Variants in XIRP2 observed in about 807,000 individuals in gnomAD.
XIRP2 encodes the protein xin actin binding repeat containing 2.
A neutral mutation model predicts 277.0 loss-of-function variants in XIRP2; 236 were observed. The ratio of observed to expected loss-of-function variants is 0.85; its 90% CI spans 0.77 to 0.95. XIRP2 has a LOEUF of 0.95. Ranked by LOEUF, XIRP2 falls within the 40% of genes least tolerant of loss-of-function variation. The pLI is 0.00. For synonymous variants in XIRP2, 1,490 were observed against 1,416.5 expected (o/e 1.05, Z -1.17); for missense variants, 4,640 against 4,157.5 (o/e 1.12, Z -3.19).
intron 2 of XIRP2, among the ~76,000 whole-genome samples, chr2:167,116,055 T>C (rs1690888374): frequency 6.6e-6 from 1 of 152,218 alleles, no homozygotes. Flanking sequence ...TGGCCTAGAA[T>C]ATGGTCTATC....
intron 2 of XIRP2, among the ~76,000 whole-genome samples, chr2:166,972,994 C>T (rs924574127): frequency 5.9e-5 from 9 of 152,116 alleles, no homozygotes; most frequent in Admixed American, 3.3e-4. Context: ...TTCATGCCTC[C>T]AAAATATTTT....
chr2:167,025,449 T>C (rs1213337917), intron 2 of XIRP2, among the ~76,000 whole-genome samples: 2 of 152,160 alleles, frequency 1.3e-5, no homozygotes, highest in Non-Finnish European at 2.9e-5. Flanking sequence ...TGTGTCTCCA[T>C]TTCCTTCAGT....
chr2:167,144,883 T>C (rs1222720395), intron 3 of XIRP2, among the ~76,000 whole-genome samples: 1 of 152,158 alleles, frequency 6.6e-6, no homozygotes, highest in East Asian at 1.9e-4. Context: ...GATTAAAAAC[T>C]TTGAGTGGAA....
intron 2 of XIRP2, among the ~76,000 whole-genome samples, chr2:166,963,104 T>C (rs1277965908): frequency 6.6e-6 from 1 of 151,732 alleles, no homozygotes; most frequent in Non-Finnish European, 1.5e-5. Context: ...ATTGAAATAT[T>C]GCAATGCATC....
chr2:167,170,610 C>G (rs539988765), intron 3 of XIRP2, among the ~76,000 whole-genome samples: 1 of 152,114 alleles, frequency 6.6e-6, no homozygotes, highest in East Asian at 1.9e-4. Context: ...TATCAATGCT[C>G]TCTTATTTTT....
chr2:166,976,231 T>A (rs1686715033), intron 2 of XIRP2, among the ~76,000 whole-genome samples: 1 of 152,128 alleles, frequency 6.6e-6, no homozygotes, highest in Non-Finnish European at 1.5e-5. Flanking sequence ...TGTTCATATC[T>A]CCTTGTTATC....
intron 2 of XIRP2, among the ~76,000 whole-genome samples, chr2:167,025,761 G>A (rs1216299727): frequency 1.1e-4 from 17 of 151,976 alleles, no homozygotes; most frequent in Non-Finnish European, 2.1e-4. Context: ...GTAGTTGAGC[G>A]GTTTTGAGTG....
At chr2:167,178,731 C>G (rs1275825701) in intron 3 of XIRP2, among the ~76,000 whole-genome samples, 2 of 152,028 alleles carry the variant, frequency 1.3e-5, no homozygotes, top group East Asian at 3.9e-4. Flanking sequence ...TTCTGGACCA[C>G]TCAAATTAAA....
chr2:166,933,598 A>G (rs1278936068), intron 2 of XIRP2, among the ~76,000 whole-genome samples: 3 of 152,204 alleles, frequency 2.0e-5, no homozygotes, highest in Admixed American at 6.5e-5. Context: ...AAATTGATAT[A>G]TAAGTTTAAT....
chr2:167,258,542 G>T lies in XIRP2; in HGVS notation c.*725G>T, dbSNP rs1166963035. 2.5e-6 allele frequency: 4 copies of T among 1,612,956 alleles called. No individual in the cohort carries two copies. In the East Asian group the frequency reaches 8.9e-5, roughly 36 times the overall value. On this transcript the variant is annotated 3_prime_UTR_variant, in exon 11 of 11. Coordinates refer to ENST00000409195, the MANE Select transcript of XIRP2 (RefSeq NM_152381.6). Reference sequence around the variant, plus strand: ...TCTTAATGACAACAATAATGTGATTGTGCAGAGTGCTGAAAAGGAGAAAAA... The same window carrying T: ...TCTTAATGACAACAATAATGTGATTTTGCAGAGTGCTGAAAAGGAGAAAAA...
chr2:167,019,729 A>G (rs1687930739), intron 2 of XIRP2, among the ~76,000 whole-genome samples: 1 of 152,104 alleles, frequency 6.6e-6, no homozygotes, highest in African/African-American at 2.4e-5. Context: ...ATATTTTCAT[A>G]ACCTTGCATT....
At chr2:167,166,775 A>G (rs1182462090) in intron 3 of XIRP2, among the ~76,000 whole-genome samples, 2 of 152,128 alleles carry the variant, frequency 1.3e-5, no homozygotes, top group Admixed American at 1.3e-4. Flanking sequence ...CCGATGATCC[A>G]AACACCTTCC....
intron 2 of XIRP2, among the ~76,000 whole-genome samples, chr2:166,975,721 C>A (rs1445098343): frequency 2.0e-5 from 3 of 151,754 alleles, no homozygotes; most frequent in African/African-American, 4.8e-5. Context: ...GTCAGGAGAT[C>A]GAGACCATCC....
At chr2:166,891,996 T>C (rs1684117672) in intron 1 of XIRP2, among the ~76,000 whole-genome samples, 1 of 152,192 alleles carries the variant, frequency 6.6e-6, no homozygotes, top group Non-Finnish European at 1.5e-5. Context: ...AGCTTGCCGA[T>C]GCTGATATGC....
chr2:167,043,066 C>A (rs533734433), intron 2 of XIRP2, among the ~76,000 whole-genome samples: 1 of 152,024 alleles, frequency 6.6e-6, no homozygotes, highest in South Asian at 2.1e-4. Flanking sequence ...AGTTAAACAA[C>A]CTGCTTCTGA....
intron 2 of XIRP2, among the ~76,000 whole-genome samples, chr2:166,932,271 C>G (rs1685363535): frequency 6.6e-6 from 1 of 151,298 alleles, no homozygotes; most frequent in Non-Finnish European, 1.5e-5. Context: ...AACTGGAGTG[C>G]AGTGACTCAA....
chr2:167,023,142 C>T (rs1688034312), intron 2 of XIRP2, among the ~76,000 whole-genome samples: 1 of 152,194 alleles, frequency 6.6e-6, no homozygotes, highest in Admixed American at 6.5e-5. Flanking sequence ...TTAATGATTG[C>T]CATTCTAACT....
intron 2 of XIRP2, among the ~76,000 whole-genome samples, chr2:167,059,535 AGC>A (rs1230583066): frequency 1.3e-5 from 2 of 151,308 alleles, no homozygotes; most frequent in Non-Finnish European, 2.9e-5. Flanking sequence ...TCTGCAAAAG[AGC>A]AATCATTCCA....
chr2:167,241,631 C>T (rs756361578), intron 7 of XIRP2, 146 bp from the exon 8 acceptor site: 20 of 834,132 alleles, frequency 2.4e-5, no homozygotes, highest in Non-Finnish European at 3.5e-5. Flanking sequence ...GCTGGTCTCA[C>T]ACCCTTGGGC....
Sources: allele counts gnomAD v4.1 joint callset (sites outside exome capture counted in the v4.1 genomes callset), GRCh38; gene constraint gnomAD v4.1.1; transcripts MANE v1.5; gene names NCBI Gene and HGNC (gene_info 2026-07-23, HGNC 2026-07-21).